Variants in FMO4 observed in about 807,000 individuals in gnomAD.
The protein encoded by FMO4 is dimethylaniline monooxygenase [N-oxide-forming] 4.
A neutral mutation model predicts 43.3 loss-of-function variants in FMO4; 38 were observed. That is an observed-to-expected ratio of 0.88 (90% CI 0.68 to 1.15). The LOEUF is 1.15. Among genes scored for constraint, FMO4 ranks in the 50% most tolerant of loss-of-function variants. FMO4 has a pLI of 0.00. For synonymous variants in FMO4, 224 were observed against 232.2 expected (o/e 0.96, Z 0.32); for missense variants, 631 against 663.3 (o/e 0.95, Z 0.54).
At chr1:171,322,624 G>A (rs569180079) in intron 3 of FMO4, among the ~76,000 whole-genome samples, 6 of 152,232 alleles carry the variant, frequency 3.9e-5, no homozygotes, top group Middle Eastern at 3.4e-3. Flanking sequence ...AGGCCAAGGC[G>A]GGTGGATCAC....
intron 3 of FMO4, among the ~76,000 whole-genome samples, 174 bp from the exon 4 acceptor site, chr1:171,322,830 G>A (rs540086262): frequency 6.6e-6 from 1 of 152,244 alleles, no homozygotes; most frequent in Admixed American, 6.5e-5. Flanking sequence ...TCTAGCCTGG[G>A]TGATAGAGTG....
chr1:171,324,158 G>GA lies in FMO4; in HGVS notation c.344dup (p.Arg116AlafsTer22). ...TTTAGACCACTGTGTGCAGCATAAC[G>GA]AAGCGTCCAGACTTCTCCGAAACTG... On this transcript the variant is annotated frameshift_variant, in exon 5 of 10. Coordinates refer to ENST00000367749, the MANE Select transcript of FMO4 (RefSeq NM_002022.3). LOFTEE classifies it high-confidence loss of function. 6.2e-7 allele frequency: 1 copy of GA among 1,612,428 alleles called. No individual in the cohort carries two copies. The highest frequency in any genetic ancestry group is 8.5e-7 in the Non-Finnish European group (1 of 1,179,312).
intron 9 of FMO4, among the ~76,000 whole-genome samples, chr1:171,337,973 T>C (rs1663188508): frequency 1.3e-5 from 2 of 152,094 alleles, no homozygotes; most frequent in Non-Finnish European, 2.9e-5. Context: ...TCCACTTAGA[T>C]ATTTAATAGG....
intron 9 of FMO4, among the ~76,000 whole-genome samples, chr1:171,338,149 T>C (rs1663197703): frequency 6.6e-6 from 1 of 152,146 alleles, no homozygotes; most frequent in African/African-American, 2.4e-5. Context: ...TCCTTTTCTC[T>C]TCTTTTTTTC....
intron 2 of FMO4, 136 bp from the exon 3 acceptor site, chr1:171,319,682 T>TA: frequency 1.5e-6 from 1 of 672,874 alleles, no homozygotes; most frequent in Non-Finnish European, 2.5e-6. Context: ...CCTGGATTTT[T>TA]AAGCAGCATG....
chr1:171,341,671 T>C lies in FMO4; in HGVS notation c.1509T>C (p.Pro503=). The C allele has an allele frequency of 6.2e-7, 1 of 1,613,922 alleles. No homozygotes were observed. The highest frequency in any genetic ancestry group is 8.5e-7 in the Non-Finnish European group (1 of 1,179,962). ...TLKPLKTRIV[P]DSSKPASMSH... is the part of the protein sequence containing the mutation. ...AACCTTTAAAAACTCGAATTGTCCCTGATTCCTCCAAGCCTGCCTCCATGT... is the reference window on the plus strand; with the variant it reads ...AACCTTTAAAAACTCGAATTGTCCCCGATTCCTCCAAGCCTGCCTCCATGT... Residue 503 remains proline, a synonymous_variant, in exon 10 of 10, where the codon CCT becomes CCC. Transcript: ENST00000367749.
chr1:171,337,730 G>T (rs1663176762), intron 9 of FMO4, among the ~76,000 whole-genome samples: 1 of 152,072 alleles, frequency 6.6e-6, no homozygotes, highest in African/African-American at 2.4e-5. Flanking sequence ...TACCTCTCAG[G>T]CTGCTCTTTC....
At chr1:171,328,233 A>T (rs888143343) in intron 5 of FMO4, among the ~76,000 whole-genome samples, 1 of 151,890 alleles carries the variant, frequency 6.6e-6, no homozygotes, top group Non-Finnish European at 1.5e-5. Flanking sequence ...AATAGAGATG[A>T]GGTTTCGCCA....
rs538737151 is a variant in FMO4, at chr1:171,317,709, C to T, written c.-9+1382C>T. 2.4e-4 allele frequency among the ~76,000 whole-genome samples: 37 copies of T among 152,304 alleles called. No individual in the cohort carries two copies. In the South Asian group the frequency reaches 5.2e-3, roughly 21 times the overall value. The stretch of plus-strand genomic sequence containing the variant: ...GACATCATCGTGGGCTCTAGAATAT[C>T]CCTTATGACGTTCCTTGGGGACTTT... On this transcript the variant is annotated intron_variant, in intron 2 of 9. Coordinates refer to ENST00000367749, the MANE Select transcript of FMO4 (RefSeq NM_002022.3).
In FMO4 at chr1:171,341,477, G is replaced by A; in HGVS notation, c.1315G>A (p.Ala439Thr). The A allele has an allele frequency of 1.9e-6, 3 of 1,613,896 alleles. No individual in the cohort carries two copies. Among genetic ancestry groups the A allele is most frequent in the Non-Finnish European group, 2.5e-6 (3 of 1,179,904 alleles). Residue 439 changes from alanine (A) to threonine (T), a missense_variant, in exon 10 of 10, where the codon GCC (alanine) becomes ACC (threonine). Coordinates refer to ENST00000367749, the MANE Select transcript of FMO4 (RefSeq NM_002022.3). ...CATTGCCTACATGGATGATATCGCT[G>A]CCTGCATAGGCACAAAGCCCAGCAT... is the stretch of plus-strand genomic sequence containing the variant. ...DYIAYMDDIA[A>T]CIGTKPSIPL...
Position 171,337,422 on chromosome 1 carries a change from A to C in FMO4, c.1247A>C (p.Lys416Thr), listed in dbSNP as rs749720900. 1.2e-6 allele frequency: 2 copies of C among 1,605,896 alleles called. No homozygotes were observed. Among genetic ancestry groups the C allele is most frequent in the Non-Finnish European group, 1.7e-6 (2 of 1,172,592 alleles). ...MEATEKEQLI[K>T]RGVFKDTSKD... ...GCTACTGAAAAGGAACAGCTCATTA[A>C]AAGGTATGAAATGTAGCTTGCTCTA... Residue 416 changes from lysine (K) to threonine (T), a missense_variant, in exon 9 of 10, where the codon AAA becomes ACA. Physicochemically the swap from Lys to Thr is moderately conservative, Grantham distance 78 (BLOSUM62 -1). Coordinates refer to ENST00000367749, the MANE Select transcript of FMO4 (RefSeq NM_002022.3).
intron 3 of FMO4, among the ~76,000 whole-genome samples, chr1:171,322,768 G>A (rs980713801): frequency 6.6e-6 from 1 of 152,128 alleles, no homozygotes; most frequent in South Asian, 2.1e-4. Flanking sequence ...CATGAGAATC[G>A]CTTGAACCCG....
At chr1:171,324,601 T>C (rs1323447295) in intron 5 of FMO4, among the ~76,000 whole-genome samples, 3 of 152,084 alleles carry the variant, frequency 2.0e-5, no homozygotes, top group African/African-American at 4.8e-5. Flanking sequence ...AGAACAGGCT[T>C]TGATTTTAGG....
chr1:171,323,008 C>T lies in FMO4; in HGVS notation c.137C>T (p.Ser46Phe). ...DIGGLWKFTE[S>F]SKDGMTRVYK... ...CTAACTATGCCTTCACCACAGGAAT[C>T]TTCCAAAGATGGGATGACCAGGGTC... Residue 46 changes from serine (S) to phenylalanine (F), a missense_variant, in exon 4 of 10, where the codon TCT becomes TTT. Transcript: ENST00000367749. The T allele has an allele frequency of 6.2e-7, 1 of 1,612,112 alleles. No individual in the cohort carries two copies. The highest frequency in any genetic ancestry group is 8.5e-7 in the Non-Finnish European group (1 of 1,178,570).
intron 5 of FMO4, among the ~76,000 whole-genome samples, chr1:171,326,056 C>T (rs1662656300): frequency 1.3e-5 from 2 of 151,614 alleles, no homozygotes; most frequent in African/African-American, 2.4e-5. Context: ...CCATGTTGCC[C>T]AGTCTGGTTT....
At position 171,326,361 on chromosome 1, in the gene FMO4, C is replaced by T. The variant is rs554172763; in HGVS notation, c.484+2061C>T. On this transcript the variant is annotated intron_variant, in intron 5 of 9. Transcript: ENST00000367749. ...AAGTTGACATTGCAACACATGCATA[C>T]CCTTTTTAAAAATCTATATTGTCAA... Among the ~76,000 whole-genome samples the T allele has an allele frequency of 2.0e-5, 3 of 152,246 alleles. No homozygotes were observed. In the East Asian group the frequency reaches 5.8e-4, roughly 29 times the overall value.
intron 5 of FMO4, among the ~76,000 whole-genome samples, chr1:171,330,268 C>A (rs1420244919): frequency 6.6e-6 from 1 of 152,240 alleles, no homozygotes; most frequent in Middle Eastern, 3.2e-3. Context: ...AATGCTTCAT[C>A]TCATCTGTGA....
intron 9 of FMO4, among the ~76,000 whole-genome samples, chr1:171,338,365 C>A (rs774335018): frequency 1.3e-5 from 2 of 152,110 alleles, no homozygotes; most frequent in African/African-American, 2.4e-5. Context: ...GAGTGAGCCA[C>A]ATCACATTGC....
intron 1 of FMO4, among the ~76,000 whole-genome samples, chr1:171,315,313 T>A (rs1244993297): frequency 6.6e-6 from 1 of 151,988 alleles, no homozygotes; most frequent in African/African-American, 2.4e-5. Context: ...TAAATAAATA[T>A]AAGCACCTTT....
Sources: allele counts gnomAD v4.1 joint callset (sites outside exome capture counted in the v4.1 genomes callset), GRCh38; gene constraint gnomAD v4.1.1; transcripts MANE v1.5; gene names NCBI Gene and HGNC (gene_info 2026-07-23, HGNC 2026-07-21).